Variants in TANK observed in about 807,000 individuals in gnomAD.
The protein encoded by TANK is TRAF family member-associated NF-kappa-B activator.
TANK carries 15 observed loss-of-function variants against 43.6 expected under a neutral mutation model. That is an observed-to-expected ratio of 0.34 (90% CI 0.23 to 0.53). TANK has a LOEUF of 0.53. TANK is among the 20% of genes least tolerant of loss of function. The pLI, the probability that TANK is intolerant of heterozygous loss-of-function variation, is 0.94. For synonymous variants in TANK, 162 were observed against 178.2 expected (o/e 0.91, Z 0.73); for missense variants, 417 against 498.6 (o/e 0.84, Z 1.56).
At chr2:161,204,558 C>T in intron 3 of TANK, 117 bp from the exon 4 acceptor site, 1 of 938,430 alleles carries the variant, frequency 1.1e-6, no homozygotes. Context: ...TTTTCTAAAA[C>T]TCCTACCTTA....
At chr2:161,174,148 G>A (rs1339094674) in intron 1 of TANK, among the ~76,000 whole-genome samples, 2 of 152,136 alleles carry the variant, frequency 1.3e-5, no homozygotes, top group African/African-American at 4.8e-5. Flanking sequence ...AATTTTTATT[G>A]TAACCCTACA....
intron 1 of TANK, among the ~76,000 whole-genome samples, chr2:161,144,638 T>C (rs950745530): frequency 6.6e-5 from 10 of 152,238 alleles, no homozygotes; most frequent in African/African-American, 2.2e-4. Context: ...TCCTGATTTC[T>C]AATTTGATTG....
At position 161,235,362 on chromosome 2, in the gene TANK, T is replaced by A; in HGVS notation, c.1122T>A (p.Pro374=). Residue 374 remains proline, a synonymous_variant, in exon 8 of 8, where the codon CCT becomes CCA. Transcript: ENST00000392749. ...TGCAGCCCATTTGGAAGCCCTTTCC[T>A]AATCAAGACAGTGACTCGGTGGTAC... is the stretch of plus-strand genomic sequence containing the variant. The part of the protein sequence containing the change: ...GPQQPIWKPF[P]NQDSDSVVLS... 2 of 1,602,998 alleles carry A rather than the reference T, an allele frequency of 1.2e-6. No homozygotes were observed. The highest frequency in any genetic ancestry group is 1.3e-5 in the African/African-American group (1 of 74,330).
intron 1 of TANK, among the ~76,000 whole-genome samples, chr2:161,146,807 A>G (rs1038054416): frequency 2.0e-5 from 3 of 152,154 alleles, no homozygotes; most frequent in Admixed American, 6.5e-5. Flanking sequence ...GTTGGGTGGC[A>G]TGGGGAGCAA....
intron 1 of TANK, among the ~76,000 whole-genome samples, chr2:161,150,445 C>A (rs1684040689): frequency 6.6e-6 from 1 of 151,964 alleles, no homozygotes; most frequent in African/African-American, 2.4e-5. Flanking sequence ...TTGATTCTCT[C>A]AACTGTGTTT....
At chr2:161,227,099 C>T (rs1216721158) in intron 6 of TANK, 1 of 152,180 alleles carries the variant, frequency 6.6e-6, no homozygotes, top group African/African-American at 2.4e-5. Context: ...TTTCATGCAT[C>T]TCATTTGAGT....
At chr2:161,212,721 C>G (rs1324019295) in intron 4 of TANK, 13 of 985,214 alleles carry the variant, frequency 1.3e-5, no homozygotes, top group Non-Finnish European at 1.6e-5. Context: ...TCAAAGCACA[C>G]AGAATAGAGT....
chr2:161,194,098 A>G (rs762089925), intron 2 of TANK, among the ~76,000 whole-genome samples: 3 of 152,160 alleles, frequency 2.0e-5, no homozygotes, highest in Non-Finnish European at 4.4e-5. Context: ...TTCTTTGACC[A>G]TCTTTCCAAG....
At chr2:161,162,658 T>C (rs1449897275) in intron 1 of TANK, 2 of 152,126 alleles carry the variant, frequency 1.3e-5, no homozygotes, top group Non-Finnish European at 2.9e-5. Flanking sequence ...TATTAATATC[T>C]AATAAATTAT....
intron 2 of TANK, among the ~76,000 whole-genome samples, chr2:161,186,363 A>G (rs975802438): frequency 2.6e-5 from 4 of 152,230 alleles, no homozygotes; most frequent in African/African-American, 9.6e-5. Flanking sequence ...TGCATTTACT[A>G]TCCCATTTGG....
At chr2:161,230,386 A>G (rs755378723) in intron 6 of TANK, among the ~76,000 whole-genome samples, 2 of 152,220 alleles carry the variant, frequency 1.3e-5, no homozygotes, top group Non-Finnish European at 2.9e-5. Flanking sequence ...AAAATAATCT[A>G]TTCATCCACA....
chr2:161,168,643 G>A (rs972627844), intron 1 of TANK, among the ~76,000 whole-genome samples: 17 of 152,184 alleles, frequency 1.1e-4, no homozygotes, highest in Non-Finnish European at 2.4e-4. Context: ...GACCATCCTG[G>A]CTAACATGGT....
At chr2:161,165,622 C>T (rs113775014) in intron 1 of TANK, among the ~76,000 whole-genome samples, 3,563 of 152,040 alleles carry the variant, frequency 0.023, 67 homozygotes, top group Non-Finnish European at 0.037. Flanking sequence ...CCATACAGTC[C>T]TACTCCTCCT....
At chr2:161,176,381 T>C (rs1685174452) in intron 1 of TANK, among the ~76,000 whole-genome samples, 1 of 152,108 alleles carries the variant, frequency 6.6e-6, no homozygotes, top group South Asian at 2.1e-4. Context: ...AAAAGTATCA[T>C]TTACTTATTT....
At chr2:161,139,424 T>C (rs1490981535) in intron 1 of TANK, among the ~76,000 whole-genome samples, 3 of 152,234 alleles carry the variant, frequency 2.0e-5, no homozygotes, top group Non-Finnish European at 1.5e-5. Context: ...AATGTCTTTT[T>C]GATATCATTA....
intron 2 of TANK, among the ~76,000 whole-genome samples, chr2:161,191,730 A>T (rs1685923779): frequency 6.6e-6 from 1 of 152,188 alleles, no homozygotes; most frequent in South Asian, 2.1e-4. Context: ...AGGTTTGTAC[A>T]TATAAACCTA....
intron 5 of TANK, 103 bp from the exon 6 acceptor site, chr2:161,224,528 A>G (rs1406825629): frequency 2.1e-6 from 1 of 478,540 alleles, no homozygotes; most frequent in East Asian, 3.4e-5. Context: ...TTACTTTTAA[A>G]TAATTATTTT....
chr2:161,161,628 G>A, intron 1 of TANK: 1 of 702,018 alleles, frequency 1.4e-6, no homozygotes, highest in Non-Finnish European at 2.2e-6. Flanking sequence ...CATACTGTTC[G>A]ATAATCTGTT....
chr2:161,228,146 C>T (rs544468199), intron 6 of TANK, among the ~76,000 whole-genome samples: 2 of 152,296 alleles, frequency 1.3e-5, no homozygotes, highest in South Asian at 4.1e-4. Context: ...CAGAGTTATA[C>T]TTGGAAATAC....
Sources: gnomAD v4.1 joint callset for allele counts (sites outside exome capture counted in the v4.1 genomes callset) on GRCh38, gnomAD v4.1.1 for gene constraint, MANE v1.5 for transcripts, NCBI Gene and HGNC (gene_info 2026-07-23, HGNC 2026-07-21) for gene names.